Variants in BANK1 observed in about 807,000 individuals in gnomAD.
The protein encoded by BANK1 is B cell scaffold protein with ankyrin repeats 1.
Under a neutral mutation model 94.5 loss-of-function variants are expected in BANK1, and 95 were observed. The ratio of observed to expected loss-of-function variants is 1.00; its 90% confidence interval spans 0.85 to 1.19. The LOEUF (loss-of-function observed/expected upper bound fraction) is 1.19, where lower values mean the gene tolerates loss of function less well. BANK1 is among the 50% of genes most tolerant of loss of function. BANK1 has a pLI of 0.00. For missense variants in BANK1, 987 were observed against 932.2 expected, an observed-to-expected ratio of 1.06 and a Z score of -0.77; for synonymous variants, 334 against 308.4, an observed-to-expected ratio of 1.08 and a Z score of -0.87.
At chr4:101,996,591 T>C (rs957201952) in intron 7 of BANK1, among the ~76,000 whole-genome samples, 4 of 152,218 alleles carry the variant, frequency 2.6e-5, no homozygotes, top group African/African-American at 9.6e-5. Context: ...GTTTGTGTGC[T>C]CCCTTATTTC....
intron 7 of BANK1, among the ~76,000 whole-genome samples, chr4:102,012,743 A>G (rs763480735): frequency 3.6e-4 from 55 of 151,982 alleles, no homozygotes; most frequent in Non-Finnish European, 6.9e-4. Flanking sequence ...CTAGTCTTTT[A>G]TTACTCAGCT....
chr4:102,056,233 A>G (rs1728224064), intron 11 of BANK1, among the ~76,000 whole-genome samples: 1 of 152,208 alleles, frequency 6.6e-6, no homozygotes, highest in East Asian at 1.9e-4. Flanking sequence ...AGTATACATC[A>G]ATAGCTTTAA....
intron 7 of BANK1, among the ~76,000 whole-genome samples, chr4:102,007,146 TTATA>T (rs376933355): frequency 0.28 from 10,462 of 37,818 alleles, 1,148 homozygotes; most frequent in South Asian, 0.39. Context: ...AAAATATATT[TTATA>T]TATATATATA....
chr4:101,804,348 T>G (rs1578326363), intron 1 of BANK1, among the ~76,000 whole-genome samples: 1 of 152,164 alleles, frequency 6.6e-6, no homozygotes, highest in Admixed American at 6.5e-5. Flanking sequence ...GCTAAAATGG[T>G]GTATGATGAC....
intron 7 of BANK1, among the ~76,000 whole-genome samples, chr4:101,953,442 T>G (rs752869640): frequency 6.6e-6 from 1 of 152,090 alleles, no homozygotes; most frequent in Admixed American, 6.6e-5. Context: ...GAGAACAGAC[T>G]GTCTTGAAGA....
intron 7 of BANK1, among the ~76,000 whole-genome samples, chr4:102,004,572 C>T (rs1442386696): frequency 1.3e-5 from 2 of 152,104 alleles, no homozygotes; most frequent in African/African-American, 4.8e-5. Context: ...AACTCAGTGC[C>T]AGATGTAAGG....
At chr4:102,021,724 G>T in intron 8 of BANK1, 132 bp downstream of exon 8, 1 of 375,938 alleles carries the variant, frequency 2.7e-6, no homozygotes. Flanking sequence ...TAACTGATTG[G>T]CTTTTAATTT....
chr4:102,065,765 T>C (rs1203541293), intron 13 of BANK1, among the ~76,000 whole-genome samples: 1 of 151,744 alleles, frequency 6.6e-6, no homozygotes, highest in African/African-American at 2.4e-5. Flanking sequence ...AAAAGTACAA[T>C]AAAATATATA....
intron 7 of BANK1, among the ~76,000 whole-genome samples, chr4:101,990,965 G>A (rs572894361): frequency 6.6e-6 from 1 of 152,262 alleles, no homozygotes; most frequent in East Asian, 1.9e-4. Context: ...TAAAAATGCT[G>A]TCTCTAATAA....
Position 101,813,857 on chromosome 4 carries a change from A to G in BANK1, c.71-15951A>G, listed in dbSNP as rs1725806021. On this transcript the variant is annotated intron_variant, in intron 1 of 16. Coordinates refer to ENST00000322953, the MANE Select transcript of BANK1 (RefSeq NM_017935.5). ...AACAAGGGCTGCAGAGGATGCACAC[A>G]TCAGGAAGAGGGTGGGGGACTACTT... 4 of 985,474 alleles carry G rather than the reference A, an allele frequency of 4.1e-6. No homozygotes were observed. The South Asian group carries it at 1.9e-4, about 46-fold the overall frequency. 61.0% of individuals were successfully genotyped at this position (985,474 alleles called of 1,614,324 possible).
At chr4:101,906,338 T>C (rs1381477064) in intron 6 of BANK1, among the ~76,000 whole-genome samples, 1 of 152,170 alleles carries the variant, frequency 6.6e-6, no homozygotes, top group Non-Finnish European at 1.5e-5. Context: ...TATTTCCCTG[T>C]TGATCGGGGG....
rs778307020 is a variant in BANK1 at position 101,918,167 on chromosome 4, A to G, written c.1184A>G (p.Lys395Arg). 4.4e-6 allele frequency: 7 copies of G among 1,577,574 alleles called. No homozygotes were observed. The highest frequency in any genetic ancestry group is 3.6e-5 in the South Asian group (3 of 82,704). ...IAERHGHKEL[K>R]KIFEDFSIQE... ...GAAAGGCATGGTCACAAAGAACTCA[A>G]GAAAATCTTCGAAGACTTTTCAGTA... The change falls in exon 7 of 17, where the codon AAG becomes AGG. Residue 395 changes from lysine (K) to arginine (R), a missense_variant. By Grantham distance (26) the Lys-to-Arg change is conservative (BLOSUM62 2). Coordinates refer to ENST00000322953, the MANE Select transcript of BANK1 (RefSeq NM_017935.5).
At chr4:101,815,104 A>C (rs956129347) in intron 1 of BANK1, among the ~76,000 whole-genome samples, 1 of 152,174 alleles carries the variant, frequency 6.6e-6, no homozygotes, top group African/African-American at 2.4e-5. Context: ...AATTGGCTCA[A>C]ATGGCTTATA....
At chr4:102,047,942 G>A (rs1162592346) in intron 11 of BANK1, among the ~76,000 whole-genome samples, 1 of 152,094 alleles carries the variant, frequency 6.6e-6, no homozygotes, top group Admixed American at 6.6e-5. Context: ...GGGTGGTAAA[G>A]GGAAACGAGG....
At chr4:102,017,335 AAG>A (rs1298832148) in intron 7 of BANK1, among the ~76,000 whole-genome samples, 4 of 152,232 alleles carry the variant, frequency 2.6e-5, no homozygotes, top group African/African-American at 9.6e-5. Context: ...GCTTGAAACA[AAG>A]AGTATTAAAA....
chr4:101,921,935 G>A (rs561839208), intron 7 of BANK1, among the ~76,000 whole-genome samples: 2 of 151,738 alleles, frequency 1.3e-5, no homozygotes, highest in East Asian at 3.9e-4. Flanking sequence ...TCATGTGTGC[G>A]ATGGGATTCC....
At chr4:101,825,841 A>T (rs1275376251) in intron 1 of BANK1, among the ~76,000 whole-genome samples, 1 of 152,090 alleles carries the variant, frequency 6.6e-6, no homozygotes, top group African/African-American at 2.4e-5. Context: ...TCAAATAAAA[A>T]GGCTCAATTT....
chr4:102,070,493 A>G lies in BANK1; in HGVS notation c.2213-782A>G, dbSNP rs376059772. 8.0e-4 allele frequency among the ~76,000 whole-genome samples: 122 copies of G among 152,272 alleles called. No individual in the cohort carries two copies. The East Asian group carries it at 0.013, about 16-fold the overall frequency. The stretch of plus-strand genomic sequence containing the variant: ...CACCTAATTACTGAGAATTTATTGG[A>G]AGTTGATTACCAATTTCAAGTGTTT... On this transcript the variant is annotated intron_variant, in intron 13 of 16. Transcript: ENST00000322953.
At chr4:101,832,986 CT>C (rs1482964042) in intron 2 of BANK1, among the ~76,000 whole-genome samples, 12 of 142,164 alleles carry the variant, frequency 8.4e-5, no homozygotes, top group African/African-American at 7.7e-5. Flanking sequence ...AGGTTTCTTT[CT>C]TTTTTTTTTG....
Sources: allele counts gnomAD v4.1 joint callset (sites outside exome capture counted in the v4.1 genomes callset), GRCh38; gene constraint gnomAD v4.1.1; transcripts MANE v1.5; gene names NCBI Gene and HGNC (gene_info 2026-07-23, HGNC 2026-07-21).